Variants in SOX6 observed in about 807,000 individuals in gnomAD.
SOX6 encodes SRY-box transcription factor 6.
Under a neutral mutation model 97.8 loss-of-function variants are expected in SOX6, and 11 were observed. That is an observed-to-expected ratio of 0.11 (90% confidence interval 0.07 to 0.19). SOX6 has a LOEUF of 0.19. Among genes scored for constraint, SOX6 ranks in the 10% least tolerant of loss-of-function variants. SOX6 has a pLI of 1.00. For missense variants in SOX6, 810 were observed against 1,039.5 expected, an observed-to-expected ratio of 0.78 and a Z score of 3.04; for synonymous variants, 360 against 371.4, an observed-to-expected ratio of 0.97 and a Z score of 0.35.
At chr11:16,701,787 G>T (rs1292942877) in intron 3 of SOX6, among the ~76,000 whole-genome samples, 1 of 134,998 alleles carries the variant, frequency 7.4e-6, no homozygotes. Context: ...GGGGTGGGAG[G>T]GGGGACTGAG....
At chr11:16,114,108 T>A (rs150802660) in intron 6 of SOX6, among the ~76,000 whole-genome samples, 2 of 152,192 alleles carry the variant, frequency 1.3e-5, no homozygotes, top group African/African-American at 4.8e-5. Context: ...AAATACGTAA[T>A]GAAAAACCTG....
chr11:15,982,576 T>C (rs1853693339), intron 15 of SOX6, among the ~76,000 whole-genome samples: 1 of 152,028 alleles, frequency 6.6e-6, no homozygotes, highest in African/African-American at 2.4e-5. Context: ...ACACATCCCC[T>C]ATATACTTTA....
Position 16,318,543 on chromosome 11 carries a change from A to C in SOX6, c.348T>G (p.Thr116=), listed in dbSNP as rs2134302169. ...SRDREIMTSV[T]FGTPERRKGS... is the part of the protein sequence containing the mutation. ...CTTTGCGGCGCTCTGGGGTTCCAAAAGTAACACTGGTCATTATCTCACGGT... is the reference window on the plus strand; with the variant it reads ...CTTTGCGGCGCTCTGGGGTTCCAAACGTAACACTGGTCATTATCTCACGGT... The change falls in exon 3 of 16, where the codon ACT becomes ACG. Residue 116 remains threonine (T), a synonymous_variant. Coordinates refer to ENST00000683767, the MANE Select transcript of SOX6 (RefSeq NM_001367873.1). The C allele has an allele frequency of 6.2e-7, 1 of 1,613,754 alleles. No individual in the cohort carries two copies. The highest frequency in any genetic ancestry group is 2.2e-5 in the East Asian group (1 of 44,862).
At chr11:16,676,565 TGTTGTA>T (rs1389841618) in intron 3 of SOX6, among the ~76,000 whole-genome samples, 2 of 152,258 alleles carry the variant, frequency 1.3e-5, no homozygotes, top group African/African-American at 4.8e-5. Flanking sequence ...TGTTGCTTCT[TGTTGTA>T]GTTGTTTTGT....
At chr11:16,025,677 T>C (rs1288881330) in intron 12 of SOX6, among the ~76,000 whole-genome samples, 1 of 152,158 alleles carries the variant, frequency 6.6e-6, no homozygotes, top group Non-Finnish European at 1.5e-5. Flanking sequence ...ATATTTTCTT[T>C]AGAAATATAG....
At chr11:16,071,183 A>G (rs770413997) in intron 9 of SOX6, among the ~76,000 whole-genome samples, 4 of 150,368 alleles carry the variant, frequency 2.7e-5, no homozygotes, top group Non-Finnish European at 5.9e-5. Context: ...GGCAGGCAAC[A>G]CCTGCTAGAG....
chr11:16,259,646 A>G (rs988754898), intron 3 of SOX6, among the ~76,000 whole-genome samples: 1 of 152,186 alleles, frequency 6.6e-6, no homozygotes, highest in Non-Finnish European at 1.5e-5. Context: ...TGATGAGTGG[A>G]AAAAGTCAAA....
At chr11:16,034,948 C>T (rs1855479164) in intron 12 of SOX6, among the ~76,000 whole-genome samples, 1 of 152,236 alleles carries the variant, frequency 6.6e-6, no homozygotes, top group Non-Finnish European at 1.5e-5. Context: ...AGCAGGTACC[C>T]ACTTCTATAG....
Position 16,132,219 on chromosome 11 carries a change from G to T in SOX6, c.778-20296C>A, listed in dbSNP as rs1849757555. Among the ~76,000 whole-genome samples, 3 of 142,234 alleles carry T rather than the reference G, an allele frequency of 2.1e-5. No individual in the cohort carries two copies. In the South Asian group the frequency reaches 6.6e-4, roughly 31 times the overall value. 93.3% of individuals were successfully genotyped at this position (142,234 alleles called of 152,430 possible). On this transcript the variant is annotated intron_variant, in intron 6 of 15. Coordinates refer to ENST00000683767, the MANE Select transcript of SOX6 (RefSeq NM_001367873.1). The stretch of plus-strand genomic sequence containing the variant: ...CTATAATTTCCAAAATTTTACAGCT[G>T]CTTCTCAAAAAAAAAGAAAGAAAGA...
upstream of SOX6, among the ~76,000 whole-genome samples, chr11:16,361,124 C>G (rs1857202469): frequency 6.6e-6 from 1 of 152,046 alleles, no homozygotes; most frequent in African/African-American, 2.4e-5. Context: ...AACTTAGTTA[C>G]TATTATTAAC....
chr11:16,684,475 C>A (rs1014995915), intron 3 of SOX6, among the ~76,000 whole-genome samples: 1 of 151,102 alleles, frequency 6.6e-6, no homozygotes, highest in South Asian at 2.1e-4. Flanking sequence ...CAAACTATCA[C>A]AAGGACAGAA....
intron 3 of SOX6, among the ~76,000 whole-genome samples, chr11:16,271,321 C>T (rs989372771): frequency 2.6e-5 from 4 of 151,226 alleles, no homozygotes; most frequent in East Asian, 1.9e-4. Context: ...TGAATTTCTG[C>T]AATTTACTTT....
At chr11:16,543,244 T>C (rs1224615614) in intron 4 of SOX6, among the ~76,000 whole-genome samples, 1 of 152,156 alleles carries the variant, frequency 6.6e-6, no homozygotes, top group Non-Finnish European at 1.5e-5. Context: ...CATGCAACTT[T>C]CTTGGAATAC....
Position 16,089,788 on chromosome 11 carries a change from C to T in SOX6, c.1101+6208G>A, listed in dbSNP as rs1027757221. Among the ~76,000 whole-genome samples the T allele has an allele frequency of 4.6e-5, 7 of 152,130 alleles. No individual in the cohort carries two copies. The South Asian group carries it at 1.5e-3, about 32-fold the overall frequency. Reference sequence around the variant, plus strand: ...TCGTAAAAAATGTCTTTCTCCTGTTCTGCCTATTCTGTTACCTGGAAGGTC... The same window carrying T: ...TCGTAAAAAATGTCTTTCTCCTGTTTTGCCTATTCTGTTACCTGGAAGGTC... On this transcript the variant is annotated intron_variant, in intron 9 of 15. Transcript: ENST00000683767.
chr11:16,151,813 C>T (rs1231397447), intron 6 of SOX6, among the ~76,000 whole-genome samples: 2 of 152,080 alleles, frequency 1.3e-5, no homozygotes, highest in Non-Finnish European at 2.9e-5. Context: ...CTCTAGGAAA[C>T]ACTGTACTAA....
At chr11:16,336,262 A>G (rs1396847471) in intron 2 of SOX6, among the ~76,000 whole-genome samples, 1 of 152,110 alleles carries the variant, frequency 6.6e-6, no homozygotes, top group Non-Finnish European at 1.5e-5. Flanking sequence ...GCCACCTACT[A>G]AGAGTTGCTT....
chr11:16,294,997 A>C (rs1310695243), intron 3 of SOX6, among the ~76,000 whole-genome samples: 1 of 152,072 alleles, frequency 6.6e-6, no homozygotes, highest in East Asian at 1.9e-4. Flanking sequence ...TGTCAGATTT[A>C]AAATCTATTC....
chr11:16,088,003 G>C (rs925493301), intron 9 of SOX6, among the ~76,000 whole-genome samples: 1 of 149,782 alleles, frequency 6.7e-6, no homozygotes, highest in Non-Finnish European at 1.5e-5. Context: ...GTGGGGGGTG[G>C]GGAAAGTTGC....
At chr11:16,482,800 A>G (rs1013127614) in intron 4 of SOX6, among the ~76,000 whole-genome samples, 1 of 152,208 alleles carries the variant, frequency 6.6e-6, no homozygotes, top group African/African-American at 2.4e-5. Context: ...ACAGAGTATT[A>G]AAGAAGGGTC....
Sources: gnomAD v4.1 joint callset for allele counts (sites outside exome capture counted in the v4.1 genomes callset) on GRCh38, gnomAD v4.1.1 for gene constraint, MANE v1.5 for transcripts, NCBI Gene and HGNC (gene_info 2026-07-23, HGNC 2026-07-21) for gene names.